The following KIF26B variants were observed in gnomAD, a reference collection of about 807,000 sequenced individuals.
KIF26B encodes the protein kinesin-like protein KIF26B.
KIF26B carries 63 observed loss-of-function variants against 151.2 expected under a neutral mutation model. The ratio of observed to expected loss-of-function variants is 0.42; its 90% confidence interval spans 0.34 to 0.51. The LOEUF is 0.51. Among genes scored for constraint, KIF26B ranks in the 20% least tolerant of loss-of-function variants. The pLI, the probability that KIF26B is intolerant of heterozygous loss-of-function variation, is 0.07. For missense variants in KIF26B, 2,813 were observed against 2,913.6 expected (o/e 0.97, Z 0.79); for synonymous variants, 1,357 against 1,262.1 (o/e 1.08, Z -1.59).
At chr1:245,210,154 C>T (rs148050305) in intron 2 of KIF26B, among the ~76,000 whole-genome samples, 39 of 152,336 alleles carry the variant, frequency 2.6e-4, no homozygotes, top group Non-Finnish European at 4.7e-4. Context: ...TCTGCAGCCT[C>T]ACAGCATGAC....
intron 4 of KIF26B, among the ~76,000 whole-genome samples, chr1:245,489,141 G>C (rs1215061323): frequency 6.6e-6 from 1 of 152,190 alleles, no homozygotes; most frequent in Non-Finnish European, 1.5e-5. Context: ...CTAGGTAAAG[G>C]CCACTTACTG....
chr1:245,599,226 A>C (rs115770399), intron 5 of KIF26B, among the ~76,000 whole-genome samples: 1 of 152,230 alleles, frequency 6.6e-6, no homozygotes, highest in Non-Finnish European at 1.5e-5. Flanking sequence ...TAAAGGAATA[A>C]TGATACAAAG....
intron 2 of KIF26B, among the ~76,000 whole-genome samples, chr1:245,340,702 A>G (rs73130892): frequency 0.026 from 3,984 of 152,314 alleles, 175 homozygotes; most frequent in African/African-American, 0.092. Flanking sequence ...TCCAATGAAG[A>G]TAAGAGGCAT....
chr1:245,522,116 G>C (rs796615424), intron 4 of KIF26B, among the ~76,000 whole-genome samples: 17 of 151,998 alleles, frequency 1.1e-4, no homozygotes, highest in East Asian at 1.9e-4. Context: ...TGATCTGCCC[G>C]CCTTGGCCTC....
chr1:245,540,351 G>A lies in KIF26B; in HGVS notation c.1167-416G>A, dbSNP rs1158807669. Among the ~76,000 whole-genome samples the A allele has an allele frequency of 6.6e-6, 1 of 152,136 alleles. No individual in the cohort carries two copies. The highest frequency in any genetic ancestry group is 1.5e-5 in the Non-Finnish European group (1 of 68,028). ...CATCGTTCTTCATCAGACTGGTTTG[G>A]ATTTTACAAGGTGTTAGAGTTTTTA... On this transcript the variant is annotated intron_variant, in intron 4 of 14. Coordinates refer to ENST00000407071, the MANE Select transcript of KIF26B (RefSeq NM_018012.4). The surrounding 1 kb of genome is among the most constrained non-coding windows in gnomAD (Gnocchi z 4.6).
chr1:245,217,730 C>T (rs1669677122), intron 2 of KIF26B, among the ~76,000 whole-genome samples: 1 of 151,996 alleles, frequency 6.6e-6, no homozygotes, highest in Non-Finnish European at 1.5e-5. Flanking sequence ...CTCACGATAC[C>T]CGCCTTGCTC....
chr1:245,561,144 A>G (rs1326883825), intron 5 of KIF26B, among the ~76,000 whole-genome samples: 1 of 152,222 alleles, frequency 6.6e-6, no homozygotes, highest in Non-Finnish European at 1.5e-5. Context: ...GGGGCATTAG[A>G]CAGACAGGAG....
At position 245,241,236 on chromosome 1, in the gene KIF26B, G is replaced by A. The variant is rs902046876; in HGVS notation, c.465+84553G>A. ...CAGGGACCTAATCTGTGAAGTGAAG[G>A]TGGAATGACCAGGATGGCCAGAGCC... On this transcript the variant is annotated intron_variant, in intron 2 of 14. Transcript: ENST00000407071. This position sits in a 1 kb window ranked among gnomAD's most constrained non-coding sequence, Gnocchi z 5.0. 6.6e-6 allele frequency among the ~76,000 whole-genome samples: 1 copy of A among 152,202 alleles called. No individual in the cohort carries two copies. Among genetic ancestry groups the A allele is most frequent in the African/African-American group, 2.4e-5 (1 of 41,454 alleles).
rs112730661 is a variant in KIF26B at position 245,703,718 on chromosome 1, G to T, written c.*1112G>T. On this transcript the variant is annotated 3_prime_UTR_variant, in exon 15 of 15. Coordinates refer to ENST00000407071, the MANE Select transcript of KIF26B (RefSeq NM_018012.4). Reference sequence around the variant, plus strand: ...GATTAAAGTGGGTTTTTCCCCAGCTGAGAGACCTTCTCAGGCTTGTTCAGA... The same window carrying T: ...GATTAAAGTGGGTTTTTCCCCAGCTTAGAGACCTTCTCAGGCTTGTTCAGA... 1 of 152,200 alleles carries T rather than the reference G, an allele frequency of 6.6e-6. No homozygotes were observed. The highest frequency in any genetic ancestry group is 1.5e-5 in the Non-Finnish European group (1 of 68,040). 9.4% of individuals were successfully genotyped at this position (152,200 alleles called of 1,614,324 possible).
intron 2 of KIF26B, among the ~76,000 whole-genome samples, chr1:245,175,996 A>G (rs1044278066): frequency 1.8e-4 from 27 of 149,130 alleles, no homozygotes; most frequent in Non-Finnish European, 3.6e-4. Flanking sequence ...AGATATAGAT[A>G]TATAGATATA....
rs1011135362 is a variant in KIF26B at position 245,156,692 on chromosome 1, C to T, written c.465+9C>T. 4 of 1,470,196 alleles carry T rather than the reference C, an allele frequency of 2.7e-6. No individual in the cohort carries two copies. The African/African-American group carries it at 4.4e-5, about 16-fold the overall frequency. 91.1% of individuals were successfully genotyped at this position (1,470,196 alleles called of 1,614,324 possible). A position where few individuals can be genotyped will look rare whatever the true frequency, so the allele number is the denominator to read the frequency against. On this transcript the variant is annotated intron_variant, in intron 2 of 14. Coordinates refer to ENST00000407071, the MANE Select transcript of KIF26B (RefSeq NM_018012.4). ...GGCCCTTCCCGGGCAAGGTGAGCGC[C>T]GCGCGGGGCTGGCTGGGGAGGCGCC...
intron 4 of KIF26B, among the ~76,000 whole-genome samples, chr1:245,420,941 G>T (rs1166402981): frequency 6.6e-6 from 1 of 152,184 alleles, no homozygotes; most frequent in Non-Finnish European, 1.5e-5. Flanking sequence ...AGCACACAGG[G>T]CTTGTTGGAA....
At chr1:245,287,216 G>T (rs1671178182) in intron 2 of KIF26B, among the ~76,000 whole-genome samples, 1 of 152,052 alleles carries the variant, frequency 6.6e-6, no homozygotes, top group African/African-American at 2.4e-5. Flanking sequence ...CCATTGTGGT[G>T]ATCAGTATAT....
rs2103547421 is a variant in KIF26B at position 245,218,041 on chromosome 1, T to C, written c.465+61358T>C. ...AAGCCCCCATGCGGTGACTCAGTAT[T>C]TGGCCATTTTTCTTTATCCTTTTTG... On this transcript the variant is annotated intron_variant, in intron 2 of 14. Coordinates refer to ENST00000407071, the MANE Select transcript of KIF26B (RefSeq NM_018012.4). This position sits in a 1 kb window ranked among gnomAD's most constrained non-coding sequence, Gnocchi z 4.1. Among the ~76,000 whole-genome samples, 1 of 152,278 alleles carries C rather than the reference T, an allele frequency of 6.6e-6. No individual in the cohort carries two copies. The highest frequency in any genetic ancestry group is 6.5e-5 in the Admixed American group (1 of 15,300).
intron 4 of KIF26B, among the ~76,000 whole-genome samples, chr1:245,425,416 G>T (rs1336535811): frequency 1.3e-5 from 2 of 151,738 alleles, no homozygotes; most frequent in East Asian, 1.9e-4. Flanking sequence ...TTTTGTTTTT[G>T]TTTTTTTTGA....
At chr1:245,583,022 C>T (rs1182679660) in intron 5 of KIF26B, among the ~76,000 whole-genome samples, 1 of 152,128 alleles carries the variant, frequency 6.6e-6, no homozygotes, top group African/African-American at 2.4e-5. Context: ...GCCAGCGTAA[C>T]CACCCCCTAC....
At chr1:245,315,710 C>G (rs376339065) in intron 2 of KIF26B, among the ~76,000 whole-genome samples, 1 of 119,552 alleles carries the variant, frequency 8.4e-6, no homozygotes, top group East Asian at 2.3e-4. Flanking sequence ...TGACAGAGTG[C>G]AAAAAAAAAA....
At chr1:245,370,156 G>A (rs1184219093) in intron 3 of KIF26B, among the ~76,000 whole-genome samples, 1 of 152,112 alleles carries the variant, frequency 6.6e-6, no homozygotes, top group Non-Finnish European at 1.5e-5. Flanking sequence ...CTTCCTCCTA[G>A]CATTTCATAC....
In KIF26B at chr1:245,698,810, C is replaced by T. The variant is rs1035196161; in HGVS notation, c.6028-77C>T. 9.8e-6 allele frequency: 15 copies of T among 1,524,564 alleles called. No individual in the cohort carries two copies. Among genetic ancestry groups the T allele is most frequent in the African/African-American group, 4.1e-5 (3 of 72,612 alleles). 94.4% of individuals were successfully genotyped at this position (1,524,564 alleles called of 1,614,324 possible). A position where few individuals can be genotyped will look rare whatever the true frequency, so the allele number is the denominator to read the frequency against. ...CCAAGCCCAGCCTGTTTTCCATCAA[C>T]GATACTCACAGGTGCTCCTGTGGTG... On this transcript the variant is annotated intron_variant, in intron 13 of 14. Coordinates refer to ENST00000407071, the MANE Select transcript of KIF26B (RefSeq NM_018012.4). The surrounding 1 kb of genome is among the most constrained non-coding windows in gnomAD (Gnocchi z 4.0).
Sources: allele counts gnomAD v4.1 joint callset (sites outside exome capture counted in the v4.1 genomes callset), GRCh38; gene constraint gnomAD v4.1.1; non-coding constraint Gnocchi (gnomAD v3.1); transcripts MANE v1.5; gene names NCBI Gene and HGNC (gene_info 2026-07-23, HGNC 2026-07-21).